Variants in PCDH9 observed in about 807,000 individuals in gnomAD.
PCDH9 encodes protocadherin-9.
PCDH9 carries 24 observed loss-of-function variants against 70.6 expected under a neutral mutation model. The ratio of observed to expected loss-of-function variants is 0.34; its 90% CI spans 0.25 to 0.48. PCDH9 has a LOEUF of 0.48. Among genes scored for constraint, PCDH9 ranks in the 20% least tolerant of loss-of-function variants. The pLI is 0.99. For synonymous variants in PCDH9, 562 were observed against 558.5 expected (o/e 1.01, Z -0.09); for missense variants, 1,281 against 1,503.6 (o/e 0.85, Z 2.45).
chr13:66,837,567 G>T (rs924812166), intron 3 of PCDH9, among the ~76,000 whole-genome samples: 4 of 152,048 alleles, frequency 2.6e-5, no homozygotes, highest in African/African-American at 9.7e-5. Flanking sequence ...GTCCCTTTCT[G>T]CTTCCCTTCT....
intron 2 of PCDH9, chr13:67,221,673 A>G (rs1424832301): frequency 1.3e-5 from 2 of 152,018 alleles, no homozygotes; most frequent in African/African-American, 4.8e-5. Context: ...TTACTTTAAC[A>G]TTTTCATTTA....
Position 66,904,330 on chromosome 13 carries a change from C to T in PCDH9, c.3037-725G>A, listed in dbSNP as rs541178721. ...ATTAAAATGACAGTTTTCCATATTC[C>T]TCACACAACTTTTTCATGTGAAAAT... On this transcript the variant is annotated intron_variant, in intron 2 of 4. Transcript: ENST00000377865. 1.6e-3 allele frequency among the ~76,000 whole-genome samples: 237 copies of T among 152,036 alleles called. 1 individual carries two copies. The highest frequency in any genetic ancestry group is 4.6e-3 in the South Asian group (22 of 4,816).
At chr13:67,183,993 G>C (rs1012515642) in intron 2 of PCDH9, among the ~76,000 whole-genome samples, 1 of 152,152 alleles carries the variant, frequency 6.6e-6, no homozygotes, top group African/African-American at 2.4e-5. Flanking sequence ...ATCATTCATT[G>C]ATTCTTCTGT....
At chr13:66,721,853 C>G (rs565363682) in intron 3 of PCDH9, among the ~76,000 whole-genome samples, 3 of 152,246 alleles carry the variant, frequency 2.0e-5, no homozygotes, top group Admixed American at 2.0e-4. Context: ...TATAGTGCTG[C>G]TCTCATTCTG....
intron 3 of PCDH9, among the ~76,000 whole-genome samples, chr13:66,811,700 C>T (rs1181356675): frequency 6.7e-6 from 1 of 150,208 alleles, no homozygotes; most frequent in Non-Finnish European, 1.5e-5. Flanking sequence ...TTTCCATCTG[C>T]CTACCTTCTT....
chr13:66,362,632 A>T (rs1423374666), intron 4 of PCDH9, among the ~76,000 whole-genome samples: 1 of 151,946 alleles, frequency 6.6e-6, no homozygotes, highest in African/African-American at 2.4e-5. Context: ...ATGTGTATTT[A>T]TGTTTCTCTT....
chr13:66,563,973 C>A (rs1044206626), intron 4 of PCDH9, among the ~76,000 whole-genome samples: 6 of 151,930 alleles, frequency 3.9e-5, no homozygotes, highest in Non-Finnish European at 8.8e-5. Flanking sequence ...ACAGCCCTTT[C>A]GACAGAACAT....
At chr13:66,911,382 C>A (rs1020093165) in intron 2 of PCDH9, among the ~76,000 whole-genome samples, 2 of 152,154 alleles carry the variant, frequency 1.3e-5, no homozygotes, top group Non-Finnish European at 2.9e-5. Context: ...TACTTCTAAC[C>A]TCTCTAACTT....
chr13:66,692,776 A>T (rs1415891547), intron 3 of PCDH9, among the ~76,000 whole-genome samples: 1 of 152,054 alleles, frequency 6.6e-6, no homozygotes, highest in Non-Finnish European at 1.5e-5. Flanking sequence ...TTAGAGACGA[A>T]CTAGAAAAAC....
chr13:66,804,351 C>CTGGTCATT (rs2080377946), intron 3 of PCDH9, among the ~76,000 whole-genome samples: 1 of 152,162 alleles, frequency 6.6e-6, no homozygotes, highest in Non-Finnish European at 1.5e-5. Flanking sequence ...GAAGAGGAGA[C>CTGGTCATT]TGGTCATTTG....
intron 3 of PCDH9, among the ~76,000 whole-genome samples, chr13:66,834,204 C>T (rs1369634407): frequency 1.5e-5 from 2 of 137,242 alleles, no homozygotes; most frequent in African/African-American, 5.4e-5. Context: ...ATTGCCAAGG[C>T]TGGAGGGCAG....
intron 4 of PCDH9, among the ~76,000 whole-genome samples, chr13:66,550,136 A>C (rs1324259729): frequency 6.6e-6 from 1 of 152,082 alleles, no homozygotes; most frequent in African/African-American, 2.4e-5. Flanking sequence ...CTTTAATTTT[A>C]ATTTATTACT....
intron 4 of PCDH9, among the ~76,000 whole-genome samples, chr13:66,621,161 A>AGT (rs2077416746): frequency 6.6e-6 from 1 of 152,192 alleles, no homozygotes; most frequent in African/African-American, 2.4e-5. Flanking sequence ...TGTCACCTTG[A>AGT]GTGTAGGCAA....
At chr13:67,025,769 G>A (rs939328289) in intron 2 of PCDH9, among the ~76,000 whole-genome samples, 1 of 152,032 alleles carries the variant, frequency 6.6e-6, no homozygotes, top group African/African-American at 2.4e-5. Flanking sequence ...CATGTCAAAC[G>A]TATCAAATTG....
At chr13:66,767,126 T>G (rs966648615) in intron 3 of PCDH9, among the ~76,000 whole-genome samples, 14 of 151,840 alleles carry the variant, frequency 9.2e-5, no homozygotes, top group African/African-American at 3.1e-4. Context: ...GTGAAGAAAG[T>G]TTGCGTCAAT....
At chr13:67,034,467 A>G (rs149642483) in intron 2 of PCDH9, among the ~76,000 whole-genome samples, 5 of 152,300 alleles carry the variant, frequency 3.3e-5, no homozygotes, top group African/African-American at 1.2e-4. Flanking sequence ...GTCGAAATAT[A>G]TAGCTGACAA....
rs151286637 is a variant in PCDH9 at position 66,474,578 on chromosome 13, A to G, written c.3340+156632T>C. 4.6e-3 allele frequency among the ~76,000 whole-genome samples: 697 copies of G among 152,302 alleles called. 29 individuals carry two copies. The East Asian group carries it at 0.089, about 19-fold the overall frequency. Reference sequence around the variant, plus strand: ...TCATTTAAACTATTATATGAAATATATCATAATACAAACATTAATAATGGT... The same window carrying G: ...TCATTTAAACTATTATATGAAATATGTCATAATACAAACATTAATAATGGT... On this transcript the variant is annotated intron_variant, in intron 4 of 4. Coordinates refer to ENST00000377865, the MANE Select transcript of PCDH9 (RefSeq NM_203487.3).
At chr13:66,439,169 G>T (rs1593981150) in intron 4 of PCDH9, among the ~76,000 whole-genome samples, 1 of 152,094 alleles carries the variant, frequency 6.6e-6, no homozygotes, top group Non-Finnish European at 1.5e-5. Context: ...CCCGTTTCTA[G>T]CCCAATCTTG....
intron 4 of PCDH9, among the ~76,000 whole-genome samples, chr13:66,399,636 T>G (rs1307171059): frequency 6.6e-6 from 1 of 151,994 alleles, no homozygotes; most frequent in Non-Finnish European, 1.5e-5. Context: ...TCATTTAAAT[T>G]TCAAACAGTC....
Sources: gnomAD v4.1 joint callset for allele counts (sites outside exome capture counted in the v4.1 genomes callset) on GRCh38, gnomAD v4.1.1 for gene constraint, MANE v1.5 for transcripts, NCBI Gene and HGNC (gene_info 2026-07-23, HGNC 2026-07-21) for gene names.